NEBL: variants seen among roughly 807,000 people sequenced by gnomAD.
The protein encoded by NEBL is nebulette.
Under a neutral mutation model 140.2 loss-of-function variants are expected in NEBL, and 122 were observed. That is an observed-to-expected ratio of 0.87 (90% CI 0.75 to 1.01). The LOEUF (loss-of-function observed/expected upper bound fraction) is 1.01. Ranked by LOEUF, NEBL falls within the 50% of genes least tolerant of loss-of-function variation. The probability of loss-of-function intolerance (pLI) is 0.00; values close to 1 mark genes in which losing one functional copy is unlikely to be tolerated. For missense variants in NEBL, 1,365 were observed against 1,231.3 expected, an observed-to-expected ratio of 1.11 and a Z score of -1.62; for synonymous variants, 436 against 398.9, an observed-to-expected ratio of 1.09 and a Z score of -1.11.
chr10:21,059,669 T>C (rs1373656070), intron 2 of NEBL, among the ~76,000 whole-genome samples: 2 of 152,244 alleles, frequency 1.3e-5, no homozygotes, highest in Admixed American at 6.5e-5. Flanking sequence ...ACTCAGGTTA[T>C]TTACTGCGTT....
At chr10:20,903,856 A>G (rs191540660) in intron 4 of NEBL, among the ~76,000 whole-genome samples, 3 of 134,146 alleles carry the variant, frequency 2.2e-5, no homozygotes, top group Admixed American at 7.5e-5. Context: ...GTAACGGCCA[A>G]TGGAGACTCA....
chr10:21,082,183 G>T (rs923008196), intron 2 of NEBL, among the ~76,000 whole-genome samples: 2 of 152,158 alleles, frequency 1.3e-5, no homozygotes, highest in African/African-American at 4.8e-5. Flanking sequence ...ACCAAGCAAC[G>T]AAGGAACTCT....
At chr10:21,104,019 T>C (rs777255023) in intron 2 of NEBL, among the ~76,000 whole-genome samples, 1 of 152,198 alleles carries the variant, frequency 6.6e-6, no homozygotes, top group Non-Finnish European at 1.5e-5. Context: ...TGCTTCTGGA[T>C]ATAAAATTGT....
chr10:20,823,086 A>G lies in NEBL; in HGVS notation c.1962+122T>C. On this transcript the variant is annotated intron_variant, in intron 19 of 27. Coordinates refer to ENST00000377122, the MANE Select transcript of NEBL (RefSeq NM_006393.3). ...GTGTAAAATGCTAGCTCCACTTTTAAGGAACCGATCCTCTCGCAATGAGGT... is the reference window on the plus strand; with the variant it reads ...GTGTAAAATGCTAGCTCCACTTTTAGGGAACCGATCCTCTCGCAATGAGGT... The G allele has an allele frequency of 5.7e-6, 4 of 707,078 alleles. No individual in the cohort carries two copies. In the South Asian group the frequency reaches 7.1e-5, roughly 13 times the overall value. The allele number at this position is 707,078 out of a possible 1,614,324, so 43.8% of individuals were successfully genotyped here. A position where few individuals can be genotyped will look rare whatever the true frequency, so the allele number is the denominator to read the frequency against.
intron 3 of NEBL, among the ~76,000 whole-genome samples, chr10:21,007,085 G>T (rs1233010763): frequency 6.6e-6 from 1 of 152,082 alleles, no homozygotes; most frequent in Non-Finnish European, 1.5e-5. Flanking sequence ...AGTGGAGAAT[G>T]AGAGGAGAAA....
At position 21,261,567 on chromosome 10, in the gene NEBL, G is replaced by C. The variant is rs71486489; in HGVS notation, n.183-9739C>G. 4.4e-3 allele frequency among the ~76,000 whole-genome samples: 674 copies of C among 151,816 alleles called. 4 individuals carry two copies. Among genetic ancestry groups the C allele is most frequent in the African/African-American group, 0.016 (642 of 41,406 alleles). ...GAGGCTGGGGCAGAAGGATTGCTTA[G>C]GCCCGGGAGGCTGAGGCTGCAGTGA... On this transcript the variant is annotated intron_variant and non_coding_transcript_variant, in intron 1 of 8. Transcript: ENST00000675702.
At chr10:21,073,218 G>A (rs1835897315) in intron 2 of NEBL, among the ~76,000 whole-genome samples, 1 of 152,034 alleles carries the variant, frequency 6.6e-6, no homozygotes, top group Non-Finnish European at 1.5e-5. Flanking sequence ...AGCACTTTAG[G>A]AGGCTGAAGC....
At chr10:21,229,017 C>T (rs1048097774) in intron 3 of NEBL, among the ~76,000 whole-genome samples, 3 of 151,838 alleles carry the variant, frequency 2.0e-5, no homozygotes, top group African/African-American at 7.3e-5. Flanking sequence ...CCCACCAACC[C>T]ATAGTGGACA....
At position 20,872,838 on chromosome 10, in the gene NEBL, A is replaced by G. The variant is rs1216473924; in HGVS notation, c.481-2997T>C. 2.0e-5 allele frequency among the ~76,000 whole-genome samples: 3 copies of G among 152,218 alleles called. No individual in the cohort carries two copies. The South Asian group carries it at 6.2e-4, about 31-fold the overall frequency. Reference sequence around the variant, plus strand: ...TGGCAACATCAGGCCGGTACCCTACATGGTCTAAAAAGGGGAGGCATGAAT... The same window carrying G: ...TGGCAACATCAGGCCGGTACCCTACGTGGTCTAAAAAGGGGAGGCATGAAT... On this transcript the variant is annotated intron_variant, in intron 5 of 27. Transcript: ENST00000377122.
chr10:21,027,664 T>C (rs1383200479), intron 2 of NEBL, among the ~76,000 whole-genome samples: 1 of 152,134 alleles, frequency 6.6e-6, no homozygotes, highest in Non-Finnish European at 1.5e-5. Context: ...GCAAAAGTTG[T>C]GACTTCACAT....
intron 2 of NEBL, among the ~76,000 whole-genome samples, chr10:21,103,508 A>T (rs1231836946): frequency 1.3e-5 from 2 of 152,064 alleles, no homozygotes; most frequent in African/African-American, 4.8e-5. Context: ...CCACCGCACC[A>T]GGCCTTTTTC....
chr10:21,236,596 G>A (rs575710305), intron 3 of NEBL, among the ~76,000 whole-genome samples: 17 of 152,152 alleles, frequency 1.1e-4, no homozygotes, highest in Admixed American at 8.5e-4. Flanking sequence ...TGATCTGCCC[G>A]CCTTGGCCTC....
intron 4 of NEBL, among the ~76,000 whole-genome samples, chr10:20,951,185 CA>C (rs1410632419): frequency 1.3e-5 from 2 of 151,982 alleles, no homozygotes; most frequent in Non-Finnish European, 2.9e-5. Flanking sequence ...TATAAAGAAG[CA>C]AAAAACATGA....
At chr10:21,078,128 A>G (rs953109211) in intron 2 of NEBL, among the ~76,000 whole-genome samples, 7 of 152,208 alleles carry the variant, frequency 4.6e-5, no homozygotes, top group Non-Finnish European at 8.8e-5. Context: ...AATAAAAATA[A>G]TGGGGAAAGC....
upstream of NEBL, chr10:20,899,578 C>T: frequency 2.5e-6 from 1 of 401,056 alleles, no homozygotes; most frequent in Admixed American, 4.1e-5. Context: ...CCAAAGGGAT[C>T]CTTAAGAAAT....
chr10:20,962,419 C>T lies in NEBL; in HGVS notation c.250-640G>A, dbSNP rs530276882. Among the ~76,000 whole-genome samples the T allele has an allele frequency of 5.3e-5, 8 of 152,364 alleles. 1 individual carries two copies. In the South Asian group the frequency reaches 1.7e-3, roughly 32 times the overall value. ...ATGAAAATATTTATAAAATAGGCCACACCTAGAGATTAAAAAGCTGCTCAC... is the reference window on the plus strand; with the variant it reads ...ATGAAAATATTTATAAAATAGGCCATACCTAGAGATTAAAAAGCTGCTCAC... On this transcript the variant is annotated intron_variant, in intron 3 of 6. Coordinates refer to the NEBL transcript ENST00000417816.
intron 19 of NEBL, among the ~76,000 whole-genome samples, chr10:20,820,521 G>A (rs1383260223): frequency 6.6e-6 from 1 of 152,158 alleles, no homozygotes; most frequent in African/African-American, 2.4e-5. Context: ...GACCTGCAGG[G>A]CCTGCTGATG....
chr10:20,897,359 T>G (rs1423595523), upstream of NEBL: 4 of 1,450,024 alleles, frequency 2.8e-6, no homozygotes, highest in Non-Finnish European at 3.6e-6. Flanking sequence ...TCACTCCTTA[T>G]CTCAGTGGTG....
intron 3 of NEBL, among the ~76,000 whole-genome samples, chr10:21,237,178 T>G (rs1842365481): frequency 6.6e-6 from 1 of 152,196 alleles, no homozygotes; most frequent in African/African-American, 2.4e-5. Context: ...GACATCTTTC[T>G]TTTTTTGTTT....
Sources: allele counts gnomAD v4.1 joint callset (sites outside exome capture counted in the v4.1 genomes callset), GRCh38; gene constraint gnomAD v4.1.1; transcripts MANE v1.5; gene names NCBI Gene and HGNC (gene_info 2026-07-23, HGNC 2026-07-21).